RALYL: variants seen among roughly 807,000 people sequenced by gnomAD.
RALYL encodes the protein RALY RNA binding protein like, also known as RNA-binding Raly-like protein.
RALYL carries 29 observed loss-of-function variants against 35.1 expected under a neutral mutation model. The observed-to-expected ratio is 0.83, with a 90% CI of 0.61 to 1.13. The LOEUF is 1.13. Ranked by LOEUF, RALYL falls within the 50% of genes most tolerant of loss-of-function variation. The pLI, the probability that RALYL is intolerant of heterozygous loss-of-function variation, is 0.00. For synonymous variants in RALYL, 120 were observed against 127.6 expected, an observed-to-expected ratio of 0.94 and a Z score of 0.40; for missense variants, 359 against 360.4, an observed-to-expected ratio of 1.00 and a Z score of 0.03.
intron 1 of RALYL, among the ~76,000 whole-genome samples, chr8:84,302,821 T>C (rs1841066684): frequency 6.6e-6 from 1 of 152,216 alleles, no homozygotes; most frequent in African/African-American, 2.4e-5. Context: ...TGAGCATTTA[T>C]AAGGTCTCTC....
At chr8:84,473,208 C>G (rs2052995114) in intron 1 of RALYL, among the ~76,000 whole-genome samples, 1 of 151,736 alleles carries the variant, frequency 6.6e-6, no homozygotes, top group South Asian at 2.1e-4. Flanking sequence ...GCTGAACATT[C>G]TTAACGACTC....
chr8:84,619,674 G>A (rs28747970), intron 2 of RALYL, among the ~76,000 whole-genome samples: 6,843 of 151,136 alleles, frequency 0.045, 422 homozygotes, highest in African/African-American at 0.12. Context: ...AGTTGATGCA[G>A]TTACTTCCTA....
intron 8 of RALYL, among the ~76,000 whole-genome samples, chr8:84,912,486 T>C (rs1281832742): frequency 6.6e-6 from 1 of 152,034 alleles, no homozygotes; most frequent in Admixed American, 6.6e-5. Context: ...TATGTGCACA[T>C]ATGCAAGTAA....
intron 1 of RALYL, among the ~76,000 whole-genome samples, chr8:84,422,239 C>G (rs2045728048): frequency 8.3e-6 from 1 of 119,830 alleles, no homozygotes. Context: ...TGTTATTGGT[C>G]TATTCAGAGA....
At chr8:84,914,752 C>T (rs1483260071) in intron 8 of RALYL, among the ~76,000 whole-genome samples, 3 of 151,760 alleles carry the variant, frequency 2.0e-5, no homozygotes, top group East Asian at 1.9e-4. Context: ...TAGTTCAAAA[C>T]AGAACTTAAA....
chr8:84,226,495 C>T (rs1333425563), intron 1 of RALYL, among the ~76,000 whole-genome samples: 3 of 152,164 alleles, frequency 2.0e-5, no homozygotes, highest in Non-Finnish European at 4.4e-5. Context: ...CAACTTCCGC[C>T]TCCTGGATTC....
intron 2 of RALYL, among the ~76,000 whole-genome samples, chr8:84,602,736 C>T (rs1055727461): frequency 6.6e-6 from 1 of 152,104 alleles, no homozygotes; most frequent in Non-Finnish European, 1.5e-5. Flanking sequence ...GTATGGAAAC[C>T]AGGCTAACTA....
Position 84,921,404 on chromosome 8 carries a change from T to A in RALYL, c.*493T>A. 6.6e-6 allele frequency: 1 copy of A among 152,290 alleles called. No individual in the cohort carries two copies. The highest frequency in any genetic ancestry group is 1.5e-5 in the Non-Finnish European group (1 of 68,000). The allele number at this position is 152,290 out of a possible 1,614,324, so 9.4% of individuals were successfully genotyped here. On this transcript the variant is annotated 3_prime_UTR_variant, in exon 9 of 9. Coordinates refer to ENST00000521268, the MANE Select transcript of RALYL (RefSeq NM_173848.7). ...TAGTTTAAAGTACTTCAGATCATAATGATAAAATACTTGAAAAAGTTATAT... is the reference window on the plus strand; with the variant it reads ...TAGTTTAAAGTACTTCAGATCATAAAGATAAAATACTTGAAAAAGTTATAT...
chr8:84,479,268 G>A (rs2053811040), intron 1 of RALYL, among the ~76,000 whole-genome samples: 1 of 151,978 alleles, frequency 6.6e-6, no homozygotes, highest in African/African-American at 2.4e-5. Context: ...TGTTACATGA[G>A]AATTTCATGC....
intron 1 of RALYL, among the ~76,000 whole-genome samples, chr8:84,321,981 C>G (rs1844932943): frequency 6.6e-6 from 1 of 151,920 alleles, no homozygotes; most frequent in Admixed American, 6.6e-5. Context: ...CCCAAAAACC[C>G]TAAACATGCA....
chr8:84,406,098 A>T (rs941826480), intron 1 of RALYL, among the ~76,000 whole-genome samples: 1 of 151,576 alleles, frequency 6.6e-6, no homozygotes, highest in African/African-American at 2.4e-5. Flanking sequence ...AGTTAACTGT[A>T]CCACCTATTT....
chr8:84,352,687 T>C (rs1223280893), intron 1 of RALYL, among the ~76,000 whole-genome samples: 1 of 150,344 alleles, frequency 6.7e-6, no homozygotes, highest in Non-Finnish European at 1.5e-5. Flanking sequence ...ATATCATAAG[T>C]AATCTGCTGG....
At chr8:84,231,527 C>T (rs545938047) in intron 1 of RALYL, among the ~76,000 whole-genome samples, 8 of 152,212 alleles carry the variant, frequency 5.3e-5, no homozygotes, top group African/African-American at 1.7e-4. Context: ...AGGGGCCACA[C>T]TGGGAAGAAG....
chr8:84,840,921 A>T (rs1341800788), intron 4 of RALYL, among the ~76,000 whole-genome samples: 1 of 152,184 alleles, frequency 6.6e-6, no homozygotes, highest in Non-Finnish European at 1.5e-5. Flanking sequence ...AAATGCTGAG[A>T]GATTTTGTCA....
chr8:84,880,139 C>T (rs1225113517), intron 7 of RALYL, among the ~76,000 whole-genome samples: 1 of 152,052 alleles, frequency 6.6e-6, no homozygotes, highest in Non-Finnish European at 1.5e-5. Context: ...GACTGGAAGA[C>T]AATGGCTCTA....
intron 7 of RALYL, among the ~76,000 whole-genome samples, chr8:84,878,606 GA>G (rs71273916): frequency 2.4e-4 from 34 of 144,606 alleles, no homozygotes; most frequent in African/African-American, 6.3e-4. Context: ...ACTTCAAAAA[GA>G]AAAAAAAAAC....
intron 1 of RALYL, among the ~76,000 whole-genome samples, chr8:84,426,723 C>A (rs2046519497): frequency 6.6e-6 from 1 of 152,090 alleles, no homozygotes; most frequent in Non-Finnish European, 1.5e-5. Flanking sequence ...CACCATTAAT[C>A]ATCAGAGAAA....
chr8:84,845,293 A>C (rs1326287544), intron 4 of RALYL, among the ~76,000 whole-genome samples: 1 of 152,114 alleles, frequency 6.6e-6, no homozygotes, highest in Non-Finnish European at 1.5e-5. Context: ...TAAATACTCA[A>C]ATATATTTAT....
At position 84,550,612 on chromosome 8, in the gene RALYL, TTTTTA is replaced by T. The variant is rs1278225499; in HGVS notation, c.256+21047_256+21051del. Among the ~76,000 whole-genome samples, 16 of 151,436 alleles carry T rather than the reference TTTTTA, an allele frequency of 1.1e-4. 1 individual carries two copies. Among genetic ancestry groups the T allele is most frequent in the Non-Finnish European group, 2.1e-4 (14 of 67,788 alleles). ...TTATATATTTGATTTATTATATACC[TTTTTA>T]TTTTATTTTATAAGAGCAAAAGTAG... On this transcript the variant is annotated intron_variant, in intron 2 of 8. Transcript: ENST00000521268.
Sources: allele counts gnomAD v4.1 joint callset (sites outside exome capture counted in the v4.1 genomes callset), GRCh38; gene constraint gnomAD v4.1.1; transcripts MANE v1.5; gene names NCBI Gene and HGNC (gene_info 2026-07-23, HGNC 2026-07-21).